The following CSMD1 variants were observed in gnomAD, a reference collection of about 807,000 sequenced individuals.
CSMD1 encodes the protein CUB and sushi domain-containing protein 1.
In CSMD1, 213 loss-of-function variants were observed where a neutral mutation model predicts 417.5. The ratio of observed to expected loss-of-function variants is 0.51; its 90% CI spans 0.46 to 0.57. CSMD1 has a LOEUF of 0.57. CSMD1 is among the 20% of genes least tolerant of loss of function. The probability of loss-of-function intolerance (pLI) is 0.00; values close to 1 mark genes in which losing one functional copy is unlikely to be tolerated. For synonymous variants in CSMD1, 2,862 were observed against 1,736.8 expected (o/e 1.65, Z -16.11); for missense variants, 6,923 against 4,529.7 (o/e 1.53, Z -15.17).
intron 1 of CSMD1, among the ~76,000 whole-genome samples, chr8:4,815,766 A>C (rs752765460): frequency 2.0e-5 from 3 of 151,830 alleles, no homozygotes; most frequent in African/African-American, 4.8e-5. Flanking sequence ...TTTATATAAT[A>C]AACACATTTT....
chr8:2,955,463 C>T, intron 64 of CSMD1, 126 bp downstream of exon 64: 8 of 803,816 alleles, frequency 1.0e-5, no homozygotes, highest in Non-Finnish European at 9.9e-6. Flanking sequence ...ACGACTGAGG[C>T]AGGTGGCGAT....
At chr8:4,912,055 GA>G (rs1383435785) in intron 1 of CSMD1, among the ~76,000 whole-genome samples, 1 of 117,452 alleles carries the variant, frequency 8.5e-6, no homozygotes, top group Non-Finnish European at 1.7e-5. Flanking sequence ...AAAAGAAAAA[GA>G]AAAAACCTAA....
At chr8:3,447,482 T>A (rs557718494) in intron 12 of CSMD1, among the ~76,000 whole-genome samples, 1 of 152,142 alleles carries the variant, frequency 6.6e-6, no homozygotes, top group Non-Finnish European at 1.5e-5. Context: ...GCGATGCATA[T>A]TGCAGAGGAA....
intron 19 of CSMD1, among the ~76,000 whole-genome samples, chr8:3,368,418 C>G (rs530468900): frequency 2.0e-5 from 3 of 152,290 alleles, no homozygotes; most frequent in South Asian, 4.1e-4. Context: ...CTCACTGCAA[C>G]TTCCGCCTCC....
rs540724271 is a variant in CSMD1, at chr8:3,829,035, T to G, written c.819-74993A>C. Among the ~76,000 whole-genome samples the G allele has an allele frequency of 4.0e-5, 6 of 151,424 alleles. No homozygotes were observed. The South Asian group carries it at 1.3e-3, about 32-fold the overall frequency. On this transcript the variant is annotated intron_variant, in intron 5 of 69. Transcript: ENST00000635120. ...TCACCTTTCTTTTTTTTTAAAAAAA[T>G]GTATTTTTCCGTAAGTTACTGGGGT...
intron 5 of CSMD1, among the ~76,000 whole-genome samples, chr8:3,843,253 T>C (rs1803250977): frequency 6.6e-6 from 1 of 152,220 alleles, no homozygotes; most frequent in Non-Finnish European, 1.5e-5. Context: ...GCTGATAAAC[T>C]ACTCCACTAA....
chr8:4,307,555 G>A (rs889101462), intron 3 of CSMD1, among the ~76,000 whole-genome samples: 1 of 152,140 alleles, frequency 6.6e-6, no homozygotes, highest in Non-Finnish European at 1.5e-5. Flanking sequence ...ATTTTAAAAT[G>A]TTGCCTCTGC....
intron 2 of CSMD1, among the ~76,000 whole-genome samples, chr8:4,601,035 C>A (rs1166282388): frequency 6.7e-6 from 1 of 150,250 alleles, no homozygotes; most frequent in Non-Finnish European, 1.5e-5. Flanking sequence ...CGGCTCACTG[C>A]AACCTCCGTC....
intron 57 of CSMD1, among the ~76,000 whole-genome samples, chr8:2,971,673 CAT>C (rs1053926926): frequency 7.9e-4 from 121 of 152,270 alleles, no homozygotes; most frequent in African/African-American, 2.8e-3. Context: ...ACATTGCTCT[CAT>C]GTGCAAATTT....
chr8:3,595,861 C>T (rs77766883), intron 8 of CSMD1, among the ~76,000 whole-genome samples: 8 of 152,160 alleles, frequency 5.3e-5, no homozygotes, highest in Non-Finnish European at 7.3e-5. Context: ...ACTGTGTGAA[C>T]GTGGAAGAGG....
intron 12 of CSMD1, among the ~76,000 whole-genome samples, chr8:3,452,441 T>C (rs1815802703): frequency 6.6e-6 from 1 of 152,198 alleles, no homozygotes; most frequent in Admixed American, 6.5e-5. Context: ...CAGTATGATA[T>C]TGGCTGTGGG....
At chr8:4,755,385 C>T (rs971546735) in intron 1 of CSMD1, among the ~76,000 whole-genome samples, 21 of 152,218 alleles carry the variant, frequency 1.4e-4, no homozygotes, top group African/African-American at 4.3e-4. Flanking sequence ...CAAAGTGCTG[C>T]TTTCTCCTGA....
intron 2 of CSMD1, among the ~76,000 whole-genome samples, chr8:4,532,895 C>T (rs943126016): frequency 6.6e-6 from 1 of 151,902 alleles, no homozygotes; most frequent in African/African-American, 2.4e-5. Flanking sequence ...CCTGCACCCC[C>T]ATTCAGAGTC....
At chr8:3,899,191 G>A (rs907829152) in intron 5 of CSMD1, among the ~76,000 whole-genome samples, 7 of 152,158 alleles carry the variant, frequency 4.6e-5, no homozygotes, top group African/African-American at 7.2e-5. Flanking sequence ...AGGACAGGAG[G>A]CCAATCAACA....
chr8:4,232,662 A>C (rs1700046), intron 3 of CSMD1, among the ~76,000 whole-genome samples: 80,721 of 151,868 alleles, frequency 0.53, 22,516 homozygotes, highest in Non-Finnish European at 0.62. Flanking sequence ...TACTTTCTTA[A>C]CTAAAACTCT....
At chr8:4,319,471 G>T (rs1458401353) in intron 3 of CSMD1, among the ~76,000 whole-genome samples, 1 of 152,016 alleles carries the variant, frequency 6.6e-6, no homozygotes. Flanking sequence ...TCCTTCTTAA[G>T]GCTTTGCTAG....
intron 3 of CSMD1, among the ~76,000 whole-genome samples, chr8:4,326,035 T>C (rs1289588982): frequency 6.6e-6 from 1 of 152,088 alleles, no homozygotes; most frequent in East Asian, 1.9e-4. Context: ...AAAGCAATAT[T>C]TGTTGACCTA....
At chr8:3,927,474 G>C (rs2433245) in intron 5 of CSMD1, among the ~76,000 whole-genome samples, 105,759 of 151,160 alleles carry the variant, frequency 0.7, 38,162 homozygotes, top group African/African-American at 0.87. Flanking sequence ...GGACCACCCT[G>C]GCCAACATGG....
At chr8:3,255,056 ATGTCCTTCC>A (rs1800549811) in intron 26 of CSMD1, among the ~76,000 whole-genome samples, 1 of 152,048 alleles carries the variant, frequency 6.6e-6, no homozygotes, top group Admixed American at 6.6e-5. Flanking sequence ...TTTGGTGTGG[ATGTCCTTCC>A]TGTTTGTTAG....
Sources: allele counts gnomAD v4.1 joint callset (sites outside exome capture counted in the v4.1 genomes callset), GRCh38; gene constraint gnomAD v4.1.1; transcripts MANE v1.5; gene names NCBI Gene and HGNC (gene_info 2026-07-23, HGNC 2026-07-21).